Variants in NRXN3 observed in about 807,000 individuals in gnomAD.
NRXN3 encodes neurexin III.
NRXN3 carries 32 observed loss-of-function variants against 137.6 expected under a neutral mutation model. The observed-to-expected ratio is 0.23, with a 90% CI of 0.18 to 0.31. NRXN3 has a LOEUF of 0.31. Among genes scored for constraint, NRXN3 ranks in the 10% least tolerant of loss-of-function variants. The pLI, the probability that NRXN3 is intolerant of heterozygous loss-of-function variation, is 1.00. For synonymous variants in NRXN3, 798 were observed against 784.5 expected (o/e 1.02, Z -0.29); for missense variants, 1,574 against 2,062.5 (o/e 0.76, Z 4.59).
chr14:78,958,436 A>T (rs573690418), intron 11 of NRXN3, among the ~76,000 whole-genome samples: 221 of 151,356 alleles, frequency 1.5e-3, no homozygotes, highest in African/African-American at 4.8e-3. Context: ...GCTCACTGCA[A>T]GCTCTGCCTC....
chr14:78,930,428 A>G (rs2099318335), intron 10 of NRXN3, among the ~76,000 whole-genome samples: 2 of 152,222 alleles, frequency 1.3e-5, no homozygotes, highest in Admixed American at 6.5e-5. Flanking sequence ...GTATGTTAAG[A>G]AGGAGGATTC....
In NRXN3 at chr14:78,516,988, A is replaced by T. The variant is rs894607440; in HGVS notation, c.758-128132A>T. Among the ~76,000 whole-genome samples, 8 of 152,166 alleles carry T rather than the reference A, an allele frequency of 5.3e-5. 1 individual carries two copies. The highest frequency in any genetic ancestry group is 2.9e-5 in the Non-Finnish European group (2 of 68,028). On this transcript the variant is annotated intron_variant, in intron 4 of 20. Transcript: ENST00000335750. ...AAAAAGAAGGGCATGAGATTATATT[A>T]TGTTGAATCCATCTTTTGTTTAAAT...
intron 4 of NRXN3, among the ~76,000 whole-genome samples, chr14:78,505,784 G>T (rs567573498): frequency 7.1e-6 from 1 of 141,322 alleles, no homozygotes; most frequent in East Asian, 2.2e-4. Flanking sequence ...TTAAACAAAA[G>T]TTGAAAATCT....
chr14:79,800,857 A>C (rs776346017), intron 19 of NRXN3, among the ~76,000 whole-genome samples: 24 of 152,214 alleles, frequency 1.6e-4, no homozygotes, highest in Non-Finnish European at 3.1e-4. Flanking sequence ...TTAGGATATG[A>C]TCTTAAGCCG....
chr14:79,701,345 C>A (rs2098753829), intron 19 of NRXN3, among the ~76,000 whole-genome samples: 1 of 152,028 alleles, frequency 6.6e-6, no homozygotes, highest in Non-Finnish European at 1.5e-5. Flanking sequence ...TTCTGTGAGA[C>A]AGAAATTTGG....
rs532088400 is a variant in NRXN3 at position 79,591,283 on chromosome 14, C to T, written c.3445-72495C>T. On this transcript the variant is annotated intron_variant, in intron 16 of 20. Coordinates refer to ENST00000335750, the MANE Select transcript of NRXN3 (RefSeq NM_001330195.2). Reference sequence around the variant, plus strand: ...CTTTTTCTTTTTTGTTGACAGTCACCGTGTCATCAAGGAAATCAACATTTA... The same window carrying T: ...CTTTTTCTTTTTTGTTGACAGTCACTGTGTCATCAAGGAAATCAACATTTA... Among the ~76,000 whole-genome samples the T allele has an allele frequency of 2.6e-5, 4 of 152,236 alleles. No homozygotes were observed. In the South Asian group the frequency reaches 6.2e-4, roughly 24 times the overall value.
intron 4 of NRXN3, among the ~76,000 whole-genome samples, chr14:78,328,798 C>T (rs752620143): frequency 3.9e-5 from 6 of 152,178 alleles, no homozygotes; most frequent in Non-Finnish European, 7.4e-5. Context: ...AATTTCTTAC[C>T]TGCATATAAG....
intron 19 of NRXN3, among the ~76,000 whole-genome samples, chr14:79,778,420 C>CA (rs759794241): frequency 5.5e-4 from 83 of 151,680 alleles, no homozygotes; most frequent in Non-Finnish European, 9.1e-4. Flanking sequence ...TGTCTCAAAA[C>CA]AAAAAAACAA....
chr14:79,392,506 C>G lies in NRXN3; in HGVS notation c.3263-74715C>G, dbSNP rs960235355. On this transcript the variant is annotated intron_variant, in intron 15 of 20. Transcript: ENST00000335750. ...GATTTATAATCCTTTGGGTATATAC[C>G]CAGTAATGGGACTGCTGGGTCAAAT... is the stretch of plus-strand genomic sequence containing the variant. 2.0e-4 allele frequency among the ~76,000 whole-genome samples: 30 copies of G among 152,028 alleles called. 1 individual carries two copies. The highest frequency in any genetic ancestry group is 6.8e-4 in the African/African-American group (28 of 41,444).
At chr14:79,307,664 C>T (rs1367961815) in intron 15 of NRXN3, among the ~76,000 whole-genome samples, 1 of 152,128 alleles carries the variant, frequency 6.6e-6, no homozygotes, top group Non-Finnish European at 1.5e-5. Context: ...AGTTACTACT[C>T]ATTATTGGTA....
At chr14:79,651,554 T>C (rs1322259445) in intron 16 of NRXN3, among the ~76,000 whole-genome samples, 1 of 152,164 alleles carries the variant, frequency 6.6e-6, no homozygotes. Flanking sequence ...AAAAGAATTG[T>C]TCCATTAAAA....
intron 15 of NRXN3, among the ~76,000 whole-genome samples, chr14:79,138,556 T>G (rs2152989129): frequency 6.6e-6 from 1 of 152,362 alleles, no homozygotes; most frequent in South Asian, 2.1e-4. Flanking sequence ...AGTGTGAAAC[T>G]TTGTAGGCTA....
intron 17 of NRXN3, among the ~76,000 whole-genome samples, chr14:79,676,182 C>T (rs553447910): frequency 2.0e-5 from 3 of 152,056 alleles, no homozygotes; most frequent in African/African-American, 7.2e-5. Context: ...GATGGACTAG[C>T]CCACTTTAGA....
At chr14:79,704,524 A>T (rs2098768574) in intron 19 of NRXN3, among the ~76,000 whole-genome samples, 3 of 152,110 alleles carry the variant, frequency 2.0e-5, no homozygotes, top group Admixed American at 2.0e-4. Flanking sequence ...CCTTGCTTTT[A>T]CCACTAGACA....
At chr14:78,429,166 T>A (rs1296947580) in intron 4 of NRXN3, among the ~76,000 whole-genome samples, 5 of 151,932 alleles carry the variant, frequency 3.3e-5, no homozygotes, top group Non-Finnish European at 5.9e-5. Context: ...ACCCTCCACC[T>A]CTTGGGTTCA....
intron 6 of NRXN3, among the ~76,000 whole-genome samples, chr14:78,680,138 C>A (rs1475617047): frequency 6.6e-6 from 1 of 152,032 alleles, no homozygotes; most frequent in East Asian, 1.9e-4. Context: ...AACAGAAAAC[C>A]AAATACTGCA....
intron 4 of NRXN3, among the ~76,000 whole-genome samples, chr14:78,470,919 C>G (rs781463170): frequency 5.9e-5 from 9 of 152,132 alleles, no homozygotes; most frequent in Non-Finnish European, 1.3e-4. Context: ...TTCCGAAGGT[C>G]AGATAGCTAG....
chr14:79,102,646 G>C (rs767984751), intron 15 of NRXN3, among the ~76,000 whole-genome samples: 7 of 152,128 alleles, frequency 4.6e-5, no homozygotes, highest in Non-Finnish European at 8.8e-5. Flanking sequence ...GATCGGTGAA[G>C]GTGTGAATAG....
intron 15 of NRXN3, among the ~76,000 whole-genome samples, chr14:79,118,165 A>T (rs367637053): frequency 1.3e-5 from 2 of 152,194 alleles, no homozygotes; most frequent in African/African-American, 4.8e-5. Flanking sequence ...GAAAAAAAAA[A>T]AAAAAAGGAA....
Sources: gnomAD v4.1 joint callset for allele counts (sites outside exome capture counted in the v4.1 genomes callset) on GRCh38, gnomAD v4.1.1 for gene constraint, MANE v1.5 for transcripts, NCBI Gene and HGNC (gene_info 2026-07-23, HGNC 2026-07-21) for gene names.